Variants in PCDH7 observed in about 807,000 individuals in gnomAD.
The protein encoded by PCDH7 is protocadherin-7.
PCDH7 carries 17 observed loss-of-function variants against 58.9 expected under a neutral mutation model. The ratio of observed to expected loss-of-function variants is 0.29; its 90% CI spans 0.20 to 0.43. PCDH7 has a LOEUF of 0.43. PCDH7 is among the 20% of genes least tolerant of loss of function. The probability of loss-of-function intolerance (pLI) is 1.00; values close to 1 mark genes in which losing one functional copy is unlikely to be tolerated. For missense variants in PCDH7, 1,274 were observed against 1,441.0 expected, an observed-to-expected ratio of 0.88 and a Z score of 1.88; for synonymous variants, 664 against 616.4, an observed-to-expected ratio of 1.08 and a Z score of -1.14.
chr4:31,093,075 A>C (rs1357184644), intron 3 of PCDH7, among the ~76,000 whole-genome samples: 1 of 152,122 alleles, frequency 6.6e-6, no homozygotes, highest in African/African-American at 2.4e-5. Flanking sequence ...GTGCACAGAT[A>C]ATGTGCAGTA....
chr4:31,032,121 C>A (rs548454902), intron 3 of PCDH7, among the ~76,000 whole-genome samples: 58 of 152,246 alleles, frequency 3.8e-4, no homozygotes, highest in African/African-American at 1.3e-3. Context: ...CAGGCTATGA[C>A]AAACAACTTC....
At chr4:30,878,020 G>T (rs1279277619) in intron 1 of PCDH7, among the ~76,000 whole-genome samples, 1 of 152,170 alleles carries the variant, frequency 6.6e-6, no homozygotes, top group Non-Finnish European at 1.5e-5. Flanking sequence ...CAGAAGAAAA[G>T]TGTGTGAGGA....
intron 3 of PCDH7, among the ~76,000 whole-genome samples, chr4:30,996,224 C>A (rs1448341298): frequency 1.3e-5 from 2 of 151,958 alleles, no homozygotes; most frequent in Non-Finnish European, 2.9e-5. Context: ...ACTATCTCAC[C>A]CAAATAGTCA....
At chr4:30,941,060 A>G (rs778088752) in intron 2 of PCDH7, among the ~76,000 whole-genome samples, 1 of 152,010 alleles carries the variant, frequency 6.6e-6, no homozygotes, top group African/African-American at 2.4e-5. Context: ...AACTTAGAGC[A>G]CTGCTTATCT....
rs562166974 is a variant in PCDH7, at chr4:30,868,597, A to G, written c.71-51556A>G. On this transcript the variant is annotated intron_variant, in intron 1 of 3. Transcript: ENST00000509759. ...TTCTACTTTGTATGATTTAAACAAT[A>G]TAATTAAATGATAAACTCTCTGATG... 6.6e-5 allele frequency among the ~76,000 whole-genome samples: 10 copies of G among 152,168 alleles called. No homozygotes were observed. In the East Asian group the frequency reaches 1.9e-3, roughly 30 times the overall value.
chr4:31,044,644 A>G (rs755566607), intron 3 of PCDH7, among the ~76,000 whole-genome samples: 5 of 152,036 alleles, frequency 3.3e-5, no homozygotes, highest in South Asian at 4.1e-4. Flanking sequence ...TTTGTGCACT[A>G]GAGTTATTCT....
In PCDH7 at chr4:30,870,153, TG is replaced by T. The variant is rs1260969244; in HGVS notation, c.71-49999del. ...ATTGTTTGTTTTTTTCTTGTAACTT[TG>T]TTTAAGTTTGTTTTAGGTTCTGTAT... On this transcript the variant is annotated intron_variant, in intron 1 of 3. Coordinates refer to the PCDH7 transcript ENST00000509759. Among the ~76,000 whole-genome samples the T allele has an allele frequency of 2.6e-5, 4 of 152,170 alleles. No homozygotes were observed. The East Asian group carries it at 7.7e-4, about 29-fold the overall frequency.
At chr4:30,957,170 A>C (rs992486190) in intron 3 of PCDH7, among the ~76,000 whole-genome samples, 3 of 152,286 alleles carry the variant, frequency 2.0e-5, no homozygotes, top group Non-Finnish European at 2.9e-5. Flanking sequence ...AGAGCAAATT[A>C]CCGAAGATGT....
chr4:30,753,245 A>C (rs1718812782), intron 1 of PCDH7, among the ~76,000 whole-genome samples: 1 of 152,140 alleles, frequency 6.6e-6, no homozygotes, highest in South Asian at 2.1e-4. Context: ...TACATATCTC[A>C]TTTCCCTTCA....
intron 1 of PCDH7, among the ~76,000 whole-genome samples, chr4:30,845,005 C>T (rs956511924): frequency 1.3e-5 from 2 of 152,104 alleles, no homozygotes; most frequent in Non-Finnish European, 1.5e-5. Context: ...TTCCTTCTTT[C>T]CCCTTCCACT....
chr4:30,779,536 T>G (rs542744147), intron 1 of PCDH7, among the ~76,000 whole-genome samples: 2 of 152,334 alleles, frequency 1.3e-5, no homozygotes, highest in Admixed American at 6.5e-5. Context: ...TATTAAAAGA[T>G]AGTTATATTC....
intron 3 of PCDH7, among the ~76,000 whole-genome samples, chr4:31,082,063 G>A (rs1379467304): frequency 6.6e-6 from 1 of 152,184 alleles, no homozygotes; most frequent in African/African-American, 2.4e-5. Context: ...TGGGATTACA[G>A]GCGTGAGTCA....
At chr4:30,894,755 C>T (rs1195689653) in intron 1 of PCDH7, among the ~76,000 whole-genome samples, 1 of 150,154 alleles carries the variant, frequency 6.7e-6, no homozygotes, top group Non-Finnish European at 1.5e-5. Flanking sequence ...ATAAGGAACT[C>T]CAGGAGTAAA....
intron 3 of PCDH7, among the ~76,000 whole-genome samples, chr4:30,974,205 C>G (rs1342128360): frequency 7.1e-6 from 1 of 139,878 alleles, no homozygotes; most frequent in African/African-American, 2.6e-5. Flanking sequence ...TCTTTCCCTC[C>G]CTTTCTTTCT....
chr4:30,721,493 C>T lies in PCDH7; in HGVS notation c.71C>T (p.Ser24Leu), dbSNP rs750899665. The change falls in exon 1 of 2, where the codon TCG (serine) becomes TTG (leucine). Residue 24 changes from serine to leucine, a missense_variant. Transcript: ENST00000361762. The surrounding 1 kb of genome is among the most constrained non-coding windows in gnomAD (Gnocchi z 6.7). ...GGCTGCTGCCTCCTCCTGCCGCTCT[C>T]GCTCAGCCTGGCGGCCGCCAAGCAG... 6 of 1,596,092 alleles carry T rather than the reference C, an allele frequency of 3.8e-6. No homozygotes were observed. Among genetic ancestry groups the T allele is most frequent in the Non-Finnish European group, 5.1e-6 (6 of 1,176,826 alleles).
chr4:31,053,243 C>T (rs944290888), intron 3 of PCDH7, among the ~76,000 whole-genome samples: 4 of 152,120 alleles, frequency 2.6e-5, no homozygotes, highest in African/African-American at 9.7e-5. Context: ...TTTCAAAACA[C>T]TACCCCCTAC....
At chr4:30,916,514 G>A (rs564920577) in intron 1 of PCDH7, among the ~76,000 whole-genome samples, 61 of 152,300 alleles carry the variant, frequency 4.0e-4, no homozygotes, top group African/African-American at 1.3e-3. Flanking sequence ...ATTTCAAAGA[G>A]CTGGCAGACT....
chr4:30,739,311 A>G (rs940895868), intron 1 of PCDH7, among the ~76,000 whole-genome samples: 7 of 151,326 alleles, frequency 4.6e-5, no homozygotes, highest in Non-Finnish European at 1.0e-4. Context: ...CAGCGAATAG[A>G]CTTTTTCTAA....
In PCDH7 at chr4:30,721,539, C is replaced by T. The variant is rs888159302; in HGVS notation, c.117C>T (p.Ala39=). 3 of 1,601,398 alleles carry T rather than the reference C, an allele frequency of 1.9e-6. No homozygotes were observed. The African/African-American group carries it at 4.0e-5, about 21-fold the overall frequency. Reference sequence around the variant, plus strand: ...AGCAGCTCCTCCGGTACCGGCTGGCCGAGGAGGGCCCCGCCGACGTCCGCA... The same window carrying T: ...AGCAGCTCCTCCGGTACCGGCTGGCTGAGGAGGGCCCCGCCGACGTCCGCA... The change falls in exon 1 of 2, where the codon GCC becomes GCT. Residue 39 remains alanine, a synonymous_variant. Coordinates refer to ENST00000361762, the Ensembl canonical transcript of PCDH7. This position sits in a 1 kb window ranked among gnomAD's most constrained non-coding sequence, Gnocchi z 6.7.
Sources: allele counts gnomAD v4.1 joint callset (sites outside exome capture counted in the v4.1 genomes callset), GRCh38; gene constraint gnomAD v4.1.1; non-coding constraint Gnocchi (gnomAD v3.1); transcripts MANE v1.5; gene names NCBI Gene and HGNC (gene_info 2026-07-23, HGNC 2026-07-21).